The following SORCS2 variants were observed in gnomAD, a reference collection of about 807,000 sequenced individuals.
SORCS2 encodes VPS10 domain-containing receptor SorCS2.
SORCS2 carries 100 observed loss-of-function variants against 141.6 expected under a neutral mutation model. That is an observed-to-expected ratio of 0.71 (90% CI 0.60 to 0.83). The LOEUF (loss-of-function observed/expected upper bound fraction) is 0.83, where lower values mean the gene tolerates loss of function less well. SORCS2 is among the 40% of genes least tolerant of loss of function. The pLI, the probability that SORCS2 is intolerant of heterozygous loss-of-function variation, is 0.00. For missense variants in SORCS2, 1,646 were observed against 1,560.2 expected, an observed-to-expected ratio of 1.05 and a Z score of -0.93; for synonymous variants, 789 against 676.9, an observed-to-expected ratio of 1.17 and a Z score of -2.57.
chr4:7,706,023 C>A (rs2109021155), intron 14 of SORCS2, among the ~76,000 whole-genome samples: 1 of 143,048 alleles, frequency 7.0e-6, no homozygotes. Context: ...TGAGGCTGGG[C>A]TCTGTCTGGG....
intron 1 of SORCS2, among the ~76,000 whole-genome samples, chr4:7,362,784 A>G (rs1003157407): frequency 2.0e-5 from 3 of 151,844 alleles, no homozygotes; most frequent in African/African-American, 7.3e-5. Flanking sequence ...TACCAGGACT[A>G]TTACCATCAT....
intron 1 of SORCS2, among the ~76,000 whole-genome samples, chr4:7,297,418 C>G (rs1717150431): frequency 6.6e-6 from 1 of 152,032 alleles, no homozygotes; most frequent in Admixed American, 6.5e-5. Flanking sequence ...GCCCCTCCCC[C>G]ACCCCCACCC....
intron 14 of SORCS2, among the ~76,000 whole-genome samples, chr4:7,709,600 C>T (rs1725692547): frequency 6.6e-6 from 1 of 152,232 alleles, no homozygotes; most frequent in African/African-American, 2.4e-5. Context: ...AGAGGGAACA[C>T]GCTGGCAGGT....
At chr4:7,339,923 G>T (rs1427580834) in intron 1 of SORCS2, among the ~76,000 whole-genome samples, 1 of 152,186 alleles carries the variant, frequency 6.6e-6, no homozygotes, top group Non-Finnish European at 1.5e-5. Context: ...CAGCTGCCAT[G>T]CATCAGGGCT....
At chr4:7,412,358 C>T (rs1560263342) in intron 2 of SORCS2, among the ~76,000 whole-genome samples, 2 of 152,332 alleles carry the variant, frequency 1.3e-5, no homozygotes, top group African/African-American at 4.8e-5. Flanking sequence ...CTGGCAGCTT[C>T]TGCTCCAGCC....
intron 3 of SORCS2, among the ~76,000 whole-genome samples, chr4:7,597,566 T>C (rs899993459): frequency 7.4e-6 from 1 of 134,270 alleles, no homozygotes; most frequent in Admixed American, 8.2e-5. Flanking sequence ...GCTGTTGCAA[T>C]AGGGGAAGGG....
At chr4:7,606,612 G>T (rs576686877) in intron 3 of SORCS2, among the ~76,000 whole-genome samples, 23 of 152,182 alleles carry the variant, frequency 1.5e-4, no homozygotes, top group African/African-American at 5.5e-4. Flanking sequence ...CTTGAGGGCC[G>T]CCTCTGTGGG....
In SORCS2 at chr4:7,664,228, A is replaced by C. The variant is rs902525419; in HGVS notation, c.953-125A>C. The C allele has an allele frequency of 1.4e-6, 1 of 720,640 alleles. No homozygotes were observed. Among genetic ancestry groups the C allele is most frequent in the East Asian group, 2.8e-5 (1 of 35,864 alleles). 44.6% of individuals were successfully genotyped at this position (720,640 alleles called of 1,614,324 possible). ...CGCAGGTGTCATCACGGTGGCCTTT[A>C]GAATTCAAGCCCATGAAGCCACACC... On this transcript the variant is annotated intron_variant, in intron 6 of 26. Coordinates refer to ENST00000507866, the MANE Select transcript of SORCS2 (RefSeq NM_020777.3). This position sits in a 1 kb window ranked among gnomAD's most constrained non-coding sequence, Gnocchi z 4.7.
chr4:7,576,400 T>A (rs1715754999), intron 3 of SORCS2, among the ~76,000 whole-genome samples: 1 of 152,172 alleles, frequency 6.6e-6, no homozygotes, highest in Admixed American at 6.5e-5. Context: ...TAATAGCATA[T>A]CTTTGGATTT....
chr4:7,331,120 G>A (rs560845103), intron 1 of SORCS2, among the ~76,000 whole-genome samples: 3 of 152,288 alleles, frequency 2.0e-5, no homozygotes, highest in South Asian at 4.1e-4. Context: ...GAGGCTGGGG[G>A]TGGGGACAGG....
chr4:7,403,997 A>ATATATTTTT (rs1265288820), intron 2 of SORCS2, among the ~76,000 whole-genome samples: 36 of 18,884 alleles, frequency 1.9e-3, no homozygotes, highest in Admixed American at 0.017. Flanking sequence ...ATATATATAT[A>ATATATTTTT]TTTTTTTTTT....
chr4:7,429,497 A>G (rs1226419194), intron 2 of SORCS2, among the ~76,000 whole-genome samples: 1 of 152,248 alleles, frequency 6.6e-6, no homozygotes, highest in Non-Finnish European at 1.5e-5. Context: ...ATCACAGTGT[A>G]ACTTAAAGAT....
intron 23 of SORCS2, among the ~76,000 whole-genome samples, 159 bp from the exon 24 acceptor site, chr4:7,733,163 A>T (rs1346858889): frequency 5.9e-5 from 2 of 33,648 alleles, no homozygotes; most frequent in Admixed American, 2.7e-4. Flanking sequence ...CCTCTCCCCC[A>T]CCCCCCATGG....
At chr4:7,372,425 G>A (rs1722317159) in intron 1 of SORCS2, among the ~76,000 whole-genome samples, 1 of 152,090 alleles carries the variant, frequency 6.6e-6, no homozygotes. Flanking sequence ...TCCTGCCTCA[G>A]CCTCCCAAGT....
At chr4:7,270,735 G>C (rs562808435) in intron 1 of SORCS2, among the ~76,000 whole-genome samples, 176 of 152,314 alleles carry the variant, frequency 1.2e-3, no homozygotes, top group Non-Finnish European at 2.3e-3. Flanking sequence ...TTTTCTTTTT[G>C]TGAAGCATTT....
chr4:7,458,346 C>G (rs560737129), intron 2 of SORCS2, among the ~76,000 whole-genome samples: 1 of 152,048 alleles, frequency 6.6e-6, no homozygotes, highest in Non-Finnish European at 1.5e-5. Context: ...TGTGCCTCAG[C>G]GGAGCAGGGC....
chr4:7,279,111 T>G (rs909849896), intron 1 of SORCS2, among the ~76,000 whole-genome samples: 12 of 152,326 alleles, frequency 7.9e-5, no homozygotes, highest in African/African-American at 2.9e-4. Context: ...TGATCCTAGC[T>G]GTCTGTGAGG....
Position 7,638,387 on chromosome 4 carries a change from C to T in SORCS2, c.708C>T (p.Asp236=), listed in dbSNP as rs140462894. 6.0e-5 allele frequency: 94 copies of T among 1,575,106 alleles called. No homozygotes were observed. In the Middle Eastern group the frequency reaches 1.0e-3, roughly 17 times the overall value. Residue 236 remains aspartate (D), a synonymous_variant, in exon 4 of 27, where the codon GAC becomes GAT. Transcript: ENST00000507866. ...DRDQSLFLSA[D]EGATFQKQPI... ...ACCAGAGCCTATTCCTCAGCGCAGACGAAGGCGCCACCTTTCAGAAGCAGC... is the reference window on the plus strand; with the variant it reads ...ACCAGAGCCTATTCCTCAGCGCAGATGAAGGCGCCACCTTTCAGAAGCAGC...
chr4:7,341,348 C>G (rs1408960595), intron 1 of SORCS2, among the ~76,000 whole-genome samples: 6 of 152,238 alleles, frequency 3.9e-5, no homozygotes, highest in Non-Finnish European at 7.3e-5. Context: ...AGCTCCTCCT[C>G]CAGAAAGCCT....
Sources: allele counts gnomAD v4.1 joint callset (sites outside exome capture counted in the v4.1 genomes callset), GRCh38; gene constraint gnomAD v4.1.1; non-coding constraint Gnocchi (gnomAD v3.1); transcripts MANE v1.5; gene names NCBI Gene and HGNC (gene_info 2026-07-23, HGNC 2026-07-21).